KCNIP4: variants seen among roughly 807,000 people sequenced by gnomAD.
The protein encoded by KCNIP4 is potassium voltage-gated channel interacting protein 4.
KCNIP4 carries 12 observed loss-of-function variants against 34.0 expected under a neutral mutation model. The observed-to-expected ratio is 0.35, with a 90% confidence interval of 0.23 to 0.57. The LOEUF (loss-of-function observed/expected upper bound fraction) is 0.57, where lower values mean the gene tolerates loss of function less well. Ranked by LOEUF, KCNIP4 falls within the 20% of genes least tolerant of loss-of-function variation. The pLI, the probability that KCNIP4 is intolerant of heterozygous loss-of-function variation, is 0.83. For synonymous variants in KCNIP4, 124 were observed against 102.2 expected, an observed-to-expected ratio of 1.21 and a Z score of -1.29; for missense variants, 238 against 311.7, an observed-to-expected ratio of 0.76 and a Z score of 1.78.
At chr4:21,689,157 C>T (rs1374059482) in intron 1 of KCNIP4, among the ~76,000 whole-genome samples, 1 of 151,968 alleles carries the variant, frequency 6.6e-6, no homozygotes, top group African/African-American at 2.4e-5. Flanking sequence ...GAATAAATGG[C>T]TATTGTAGTT....
At chr4:21,020,179 AC>A (rs754959371) in intron 1 of KCNIP4, among the ~76,000 whole-genome samples, 6 of 152,218 alleles carry the variant, frequency 3.9e-5, no homozygotes, top group Non-Finnish European at 8.8e-5. Context: ...AGCACAGACC[AC>A]AGGTTCAGAA....
Position 21,793,439 on chromosome 4 carries a change from G to A in KCNIP4, c.61+155132C>T, listed in dbSNP as rs972383619. On this transcript the variant is annotated intron_variant, in intron 1 of 8. Transcript: ENST00000382152. The stretch of plus-strand genomic sequence containing the variant: ...TGCCCGGCTAATTTTTGTAATTTTT[G>A]TACAGATAAGATTTCACCATGTTGG... Among the ~76,000 whole-genome samples the A allele has an allele frequency of 2.3e-4, 34 of 149,848 alleles. 1 individual carries two copies. The highest frequency in any genetic ancestry group is 8.6e-4 in the African/African-American group (34 of 39,382).
chr4:20,972,059 T>C (rs1735007136), intron 1 of KCNIP4, among the ~76,000 whole-genome samples: 1 of 152,220 alleles, frequency 6.6e-6, no homozygotes. Context: ...GAGATTCCAG[T>C]AATTCAGTTA....
At chr4:21,130,849 T>C (rs1272576059) in intron 1 of KCNIP4, among the ~76,000 whole-genome samples, 2 of 152,164 alleles carry the variant, frequency 1.3e-5, no homozygotes, top group African/African-American at 4.8e-5. Context: ...AATCATTGAG[T>C]TATAATGGGG....
intron 1 of KCNIP4, among the ~76,000 whole-genome samples, chr4:21,900,230 G>T (rs1375738802): frequency 6.6e-6 from 1 of 152,150 alleles, no homozygotes; most frequent in African/African-American, 2.4e-5. Context: ...AAGAGAATTT[G>T]CAGATGGTTT....
At chr4:20,785,448 C>T (rs759442169) in intron 3 of KCNIP4, among the ~76,000 whole-genome samples, 10 of 150,726 alleles carry the variant, frequency 6.6e-5, no homozygotes, top group East Asian at 2.0e-4. Context: ...AGCTGGTGTT[C>T]GTGTTCTCAG....
intron 1 of KCNIP4, among the ~76,000 whole-genome samples, chr4:21,758,302 CAAT>C (rs1318542012): frequency 1.3e-5 from 2 of 152,074 alleles, no homozygotes; most frequent in Non-Finnish European, 2.9e-5. Flanking sequence ...GCTCTGAAGA[CAAT>C]AAAACAAAAT....
At chr4:21,528,838 A>G (rs1471097025) in intron 1 of KCNIP4, among the ~76,000 whole-genome samples, 2 of 145,360 alleles carry the variant, frequency 1.4e-5, no homozygotes, top group Non-Finnish European at 3.0e-5. Context: ...GAAGGAAGGA[A>G]GGAAGGAAGG....
In KCNIP4 at chr4:21,487,672, A is replaced by C. The variant is rs367771808; in HGVS notation, c.61+460899T>G. Among the ~76,000 whole-genome samples the C allele has an allele frequency of 8.5e-5, 13 of 152,302 alleles. No homozygotes were observed. In the South Asian group the frequency reaches 2.5e-3, roughly 29 times the overall value. The stretch of plus-strand genomic sequence containing the variant: ...TTATTCGGAATTCTTCTGCATAGAG[A>C]CTTATCTATTCTTCCCAATTTATTT... On this transcript the variant is annotated intron_variant, in intron 1 of 8. Transcript: ENST00000382152.
intron 1 of KCNIP4, among the ~76,000 whole-genome samples, chr4:21,773,988 A>G (rs1451879014): frequency 6.6e-6 from 1 of 151,868 alleles, no homozygotes; most frequent in African/African-American, 2.4e-5. Flanking sequence ...TCATGATGCT[A>G]TTTGGTTATT....
At chr4:20,735,661 C>T (rs1041881621) in intron 5 of KCNIP4, among the ~76,000 whole-genome samples, 6 of 151,746 alleles carry the variant, frequency 4.0e-5, no homozygotes, top group South Asian at 2.1e-4. Context: ...CTCAGCCTCC[C>T]GAGTAGCTGG....
chr4:20,821,009 T>A (rs773103355), intron 3 of KCNIP4, among the ~76,000 whole-genome samples: 1 of 152,106 alleles, frequency 6.6e-6, no homozygotes, highest in African/African-American at 2.4e-5. Flanking sequence ...GAGAGCCTCA[T>A]AGCCCAAGCA....
At chr4:21,049,229 C>T (rs912187006) in intron 1 of KCNIP4, among the ~76,000 whole-genome samples, 8 of 152,124 alleles carry the variant, frequency 5.3e-5, no homozygotes, top group Middle Eastern at 3.4e-3. Context: ...GGATTACAGG[C>T]GTGAGCCACC....
chr4:20,748,606 T>A (rs1752948327), intron 5 of KCNIP4, among the ~76,000 whole-genome samples: 1 of 116,572 alleles, frequency 8.6e-6, no homozygotes. Flanking sequence ...ATATATATAT[T>A]CCATAAGTAA....
chr4:21,655,487 C>A (rs982206774), intron 1 of KCNIP4, among the ~76,000 whole-genome samples: 2 of 152,104 alleles, frequency 1.3e-5, no homozygotes, highest in African/African-American at 4.8e-5. Flanking sequence ...AAAATAATAA[C>A]AATAAGAACA....
At chr4:21,812,154 G>T (rs1453893141) in intron 1 of KCNIP4, among the ~76,000 whole-genome samples, 1 of 152,096 alleles carries the variant, frequency 6.6e-6, no homozygotes, top group African/African-American at 2.4e-5. Flanking sequence ...TCTACAAAAA[G>T]AGGCTACTTT....
intron 3 of KCNIP4, among the ~76,000 whole-genome samples, chr4:20,848,226 C>T (rs1364542857): frequency 6.6e-6 from 1 of 151,628 alleles, no homozygotes; most frequent in Non-Finnish European, 1.5e-5. Flanking sequence ...GGAAATTTGT[C>T]TCATGGGGCA....
At chr4:21,943,628 G>A (rs895040442) in intron 1 of KCNIP4, among the ~76,000 whole-genome samples, 15 of 152,216 alleles carry the variant, frequency 9.9e-5, no homozygotes, top group South Asian at 4.2e-4. Flanking sequence ...ACCCAGCTGC[G>A]TCATGATTTT....
At chr4:20,934,657 C>A (rs1234129940) in intron 1 of KCNIP4, among the ~76,000 whole-genome samples, 1 of 152,256 alleles carries the variant, frequency 6.6e-6, no homozygotes, top group African/African-American at 2.4e-5. Context: ...ATAAAAATTT[C>A]TATCATCATG....
Sources: allele counts gnomAD v4.1 joint callset (sites outside exome capture counted in the v4.1 genomes callset), GRCh38; gene constraint gnomAD v4.1.1; transcripts MANE v1.5; gene names NCBI Gene and HGNC (gene_info 2026-07-23, HGNC 2026-07-21).